The following RGS6 variants were observed in gnomAD, a reference collection of about 807,000 sequenced individuals.
RGS6 encodes the protein regulator of G protein signaling 6, also known as regulator of G-protein signaling 6.
Under a neutral mutation model 78.5 loss-of-function variants are expected in RGS6, and 30 were observed. The observed-to-expected ratio is 0.38, with a 90% CI of 0.29 to 0.52. RGS6 has a LOEUF of 0.52. RGS6 is among the 20% of genes least tolerant of loss of function. The pLI, the probability that RGS6 is intolerant of heterozygous loss-of-function variation, is 0.85. For synonymous variants in RGS6, 206 were observed against 206.0 expected (o/e 1.00, Z 0.00); for missense variants, 495 against 609.7 (o/e 0.81, Z 1.98).
At chr14:72,138,449 G>GTTT (rs71448384) in intron 2 of RGS6, among the ~76,000 whole-genome samples, 100 of 86,658 alleles carry the variant, frequency 1.2e-3, no homozygotes, top group Middle Eastern at 7.1e-3. Flanking sequence ...ACCTGTACCT[G>GTTT]TTTTTTTTTT....
intron 1 of RGS6, among the ~76,000 whole-genome samples, chr14:71,935,033 G>A (rs1308444689): frequency 1.3e-5 from 2 of 152,100 alleles, no homozygotes; most frequent in Admixed American, 6.5e-5. Context: ...TCTGAACCTA[G>A]GAATGCATTT....
intron 17 of RGS6, among the ~76,000 whole-genome samples, chr14:72,561,352 C>T (rs1259506556): frequency 1.3e-5 from 2 of 152,244 alleles, no homozygotes; most frequent in East Asian, 1.9e-4. Context: ...GCGGTGGTGT[C>T]GCTGACCCAC....
chr14:72,502,836 G>A (rs1598408935), intron 13 of RGS6, among the ~76,000 whole-genome samples: 1 of 152,248 alleles, frequency 6.6e-6, no homozygotes, highest in Non-Finnish European at 1.5e-5. Context: ...GGACCCTCAG[G>A]TTGTTCTTGA....
chr14:71,985,116 T>G (rs2094639639), intron 2 of RGS6, among the ~76,000 whole-genome samples: 1 of 152,136 alleles, frequency 6.6e-6, no homozygotes, highest in Non-Finnish European at 1.5e-5. Context: ...TATCATAGTT[T>G]TATTTATTTT....
intron 2 of RGS6, among the ~76,000 whole-genome samples, chr14:72,261,954 A>G (rs933786391): frequency 6.6e-6 from 1 of 152,208 alleles, no homozygotes; most frequent in Non-Finnish European, 1.5e-5. Context: ...ATCTTTAGTC[A>G]TGGTGATTTC....
At chr14:71,920,906 C>T in the RGS6 span, among the ~76,000 whole-genome samples, 1 of 152,112 alleles carries the variant, frequency 6.6e-6, no homozygotes, top group Non-Finnish European at 1.5e-5. Flanking sequence ...AAACAATTAA[C>T]AGAGTAAAGA....
chr14:72,293,122 C>T (rs1472503479), intron 2 of RGS6, among the ~76,000 whole-genome samples: 1 of 152,184 alleles, frequency 6.6e-6, no homozygotes, highest in African/African-American at 2.4e-5. Flanking sequence ...TCTTTGACCC[C>T]TCTTAAAGAA....
chr14:72,476,127 C>T (rs893825446), intron 10 of RGS6, among the ~76,000 whole-genome samples: 7 of 152,086 alleles, frequency 4.6e-5, no homozygotes, highest in Admixed American at 1.3e-4. Context: ...TTAGTCTTTC[C>T]GTAATACGAG....
chr14:71,956,355 G>A (rs56282074), intron 1 of RGS6, among the ~76,000 whole-genome samples: 9,668 of 126,502 alleles, frequency 0.076, 371 homozygotes, highest in Admixed American at 0.14. Flanking sequence ...GTGTGTGTGT[G>A]TGTATATTCT....
Position 72,090,179 on chromosome 14 carries a change from C to A in RGS6, c.84+125304C>A, listed in dbSNP as rs573249369. Among the ~76,000 whole-genome samples the A allele has an allele frequency of 7.0e-4, 103 of 146,102 alleles. 1 individual carries two copies. The highest frequency in any genetic ancestry group is 2.4e-3 in the African/African-American group (98 of 40,058). On this transcript the variant is annotated intron_variant, in intron 2 of 17. Transcript: ENST00000553525. ...ACAAAACCAGAATCCCTTTAGATTT[C>A]TTAAAATGCCTTTGTAGTTCTTTTG...
chr14:72,509,623 T>C (rs1193439067), intron 13 of RGS6, among the ~76,000 whole-genome samples: 1 of 152,216 alleles, frequency 6.6e-6, no homozygotes, highest in Non-Finnish European at 1.5e-5. Flanking sequence ...AATCAATAAG[T>C]GCATGTAACA....
At chr14:72,497,893 CTTTT>C (rs1199373052) in intron 13 of RGS6, among the ~76,000 whole-genome samples, 2 of 151,736 alleles carry the variant, frequency 1.3e-5, no homozygotes, top group African/African-American at 4.8e-5. Flanking sequence ...TCAGGAAATC[CTTTT>C]TTAAGAAGTC....
At chr14:72,107,577 T>G (rs2040487464) in intron 2 of RGS6, among the ~76,000 whole-genome samples, 1 of 152,160 alleles carries the variant, frequency 6.6e-6, no homozygotes, top group Non-Finnish European at 1.5e-5. Context: ...ACTGAGTCTT[T>G]TCAATGGGCA....
At chr14:72,477,750 T>A (rs2096273691) in intron 11 of RGS6, among the ~76,000 whole-genome samples, 1 of 146,844 alleles carries the variant, frequency 6.8e-6, no homozygotes, top group Admixed American at 6.9e-5. Context: ...TGAGCTGAGA[T>A]CATGCCGCTG....
Position 72,474,715 on chromosome 14 carries a change from T to A in RGS6, c.693+16T>A, listed in dbSNP as rs376637987. On this transcript the variant is annotated intron_variant, in intron 10 of 17. Coordinates refer to ENST00000553525, the MANE Select transcript of RGS6 (RefSeq NM_001204424.2). ...GGTTAAAAAGGTTCGCTAGTTTAGC[T>A]GAGTTAAAAATTCCTGATGTGAATA... The A allele has an allele frequency of 9.3e-6, 15 of 1,608,180 alleles. No homozygotes were observed. The highest frequency in any genetic ancestry group is 1.7e-4 in the Middle Eastern group (1 of 6,014).
chr14:72,345,799 G>A lies in RGS6; in HGVS notation c.85-6296G>A, dbSNP rs565081267. On this transcript the variant is annotated intron_variant, in intron 2 of 17. Coordinates refer to ENST00000553525, the MANE Select transcript of RGS6 (RefSeq NM_001204424.2). ...CAGTGAATGTCCACTAAGCCAGTAC[G>A]TACACACAAATACATGCAAAAGTTG... Among the ~76,000 whole-genome samples the A allele has an allele frequency of 5.9e-5, 9 of 152,316 alleles. No homozygotes were observed. In the East Asian group the frequency reaches 1.3e-3, roughly 23 times the overall value.
At chr14:72,574,906 T>C in the RGS6 span, among the ~76,000 whole-genome samples, 1 of 152,082 alleles carries the variant, frequency 6.6e-6, no homozygotes, top group African/African-American at 2.4e-5. Context: ...GGTTAGGGCC[T>C]AGCAGTGAGG....
chr14:72,022,352 A>T (rs868607509), intron 2 of RGS6: 2 of 152,194 alleles, frequency 1.3e-5, no homozygotes, highest in Non-Finnish European at 2.9e-5. Flanking sequence ...AGGAATTGCC[A>T]TACTGCTTTC....
At chr14:71,876,473 CTTTTTTT>C in the RGS6 span, among the ~76,000 whole-genome samples, 65 of 72,428 alleles carry the variant, frequency 9.0e-4, 2 homozygotes, top group Admixed American at 2.1e-3. Flanking sequence ...GCAACCGCTG[CTTTTTTT>C]TTTTTTTTTT....
Sources: gnomAD v4.1 joint callset for allele counts (sites outside exome capture counted in the v4.1 genomes callset) on GRCh38, gnomAD v4.1.1 for gene constraint, MANE v1.5 for transcripts, NCBI Gene and HGNC (gene_info 2026-07-23, HGNC 2026-07-21) for gene names.